The following TRIM44 variants were observed in gnomAD, a reference collection of about 807,000 sequenced individuals.
TRIM44 encodes the protein tripartite motif containing 44.
In TRIM44, 13 loss-of-function variants were observed where a neutral mutation model predicts 37.4. The ratio of observed to expected loss-of-function variants is 0.35; its 90% CI spans 0.23 to 0.55. The LOEUF (loss-of-function observed/expected upper bound fraction) is 0.55. Among genes scored for constraint, TRIM44 ranks in the 20% least tolerant of loss-of-function variants. The pLI is 0.89. For synonymous variants in TRIM44, 175 were observed against 157.2 expected (o/e 1.11, Z -0.85); for missense variants, 426 against 437.2 (o/e 0.97, Z 0.23).
chr11:35,712,759 C>A (rs770115576), intron 2 of TRIM44, among the ~76,000 whole-genome samples: 1 of 152,104 alleles, frequency 6.6e-6, no homozygotes, highest in Non-Finnish European at 1.5e-5. Flanking sequence ...TGTCAGGACT[C>A]CCCCATAGCA....
rs574240350 is a variant in TRIM44, at chr11:35,811,526, A to T, written c.*5141A>T. 6.6e-6 allele frequency: 1 copy of T among 152,328 alleles called. No individual in the cohort carries two copies. Among genetic ancestry groups the T allele is most frequent in the African/African-American group, 2.4e-5 (1 of 41,574 alleles). 9.4% of individuals were successfully genotyped at this position (152,328 alleles called of 1,614,324 possible). A position where few individuals can be genotyped will look rare whatever the true frequency, so the allele number is the denominator to read the frequency against. ...AGAAATACATATTTGCATGTAATTGATGAAAACATAGAATGAGTTGTAAAT... is the reference window on the plus strand; with the variant it reads ...AGAAATACATATTTGCATGTAATTGTTGAAAACATAGAATGAGTTGTAAAT... On this transcript the variant is annotated 3_prime_UTR_variant, in exon 5 of 5. Coordinates refer to ENST00000299413, the MANE Select transcript of TRIM44 (RefSeq NM_017583.6).
At chr11:35,703,506 A>T (rs531519420) in intron 2 of TRIM44, among the ~76,000 whole-genome samples, 1 of 152,024 alleles carries the variant, frequency 6.6e-6, no homozygotes, top group East Asian at 1.9e-4. Flanking sequence ...ACTGGGAGGC[A>T]CCCCCCAGTA....
intron 2 of TRIM44, among the ~76,000 whole-genome samples, chr11:35,713,032 C>T (rs183852150): frequency 3.3e-5 from 5 of 152,276 alleles, no homozygotes; most frequent in East Asian, 3.9e-4. Flanking sequence ...ATGCAACTCT[C>T]GGTCTACCTC....
chr11:35,674,900 G>A (rs776096242), intron 1 of TRIM44, among the ~76,000 whole-genome samples: 1 of 152,210 alleles, frequency 6.6e-6, no homozygotes, highest in Non-Finnish European at 1.5e-5. Flanking sequence ...AGGGCATGGA[G>A]CCAGGAATAG....
chr11:35,769,315 T>TA (rs113554030), intron 4 of TRIM44, among the ~76,000 whole-genome samples: 4 of 152,358 alleles, frequency 2.6e-5, no homozygotes, highest in African/African-American at 9.6e-5. Flanking sequence ...CTTATGTTGT[T>TA]ATTTTATGTC....
At chr11:35,751,509 A>G (rs1416674148) in intron 4 of TRIM44, among the ~76,000 whole-genome samples, 1 of 152,238 alleles carries the variant, frequency 6.6e-6, no homozygotes, top group Non-Finnish European at 1.5e-5. Context: ...TCAGGCTTTC[A>G]TTAGAACCTG....
At chr11:35,679,252 C>T (rs1020188206) in intron 1 of TRIM44, among the ~76,000 whole-genome samples, 7 of 152,122 alleles carry the variant, frequency 4.6e-5, no homozygotes, top group African/African-American at 1.7e-4. Context: ...GTGCAGAGAC[C>T]ACTTGTCAAG....
chr11:35,707,493 T>C (rs1044788959), intron 2 of TRIM44, among the ~76,000 whole-genome samples: 23 of 146,306 alleles, frequency 1.6e-4, no homozygotes, highest in East Asian at 8.0e-4. Flanking sequence ...GGAGGTGTCA[T>C]GCTACCTGAC....
intron 4 of TRIM44, among the ~76,000 whole-genome samples, chr11:35,792,072 T>TACACAACACACACACAC (rs147613844): frequency 7.3e-6 from 1 of 136,750 alleles, no homozygotes; most frequent in South Asian, 2.3e-4. Context: ...GAGTTGCCCC[T>TACACAACACACACACAC]ACACACACAC....
rs1216887019 is a variant in TRIM44, at chr11:35,774,877, A to G, written c.1008-31481A>G. Among the ~76,000 whole-genome samples, 2 of 152,170 alleles carry G rather than the reference A, an allele frequency of 1.3e-5. 1 individual carries two copies. Among genetic ancestry groups the G allele is most frequent in the Admixed American group, 1.3e-4 (2 of 15,280 alleles). On this transcript the variant is annotated intron_variant, in intron 4 of 4. Coordinates refer to ENST00000299413, the MANE Select transcript of TRIM44 (RefSeq NM_017583.6). ...GCTGTTTTGCTTACTGGAGCTTTGTAGTATAGTTTGAAGTCAGGTAGCGTG... is the reference window on the plus strand; with the variant it reads ...GCTGTTTTGCTTACTGGAGCTTTGTGGTATAGTTTGAAGTCAGGTAGCGTG...
intron 4 of TRIM44, among the ~76,000 whole-genome samples, chr11:35,801,942 A>T (rs1853376968): frequency 6.6e-6 from 1 of 152,080 alleles, no homozygotes; most frequent in African/African-American, 2.4e-5. Context: ...TCCTGAAATC[A>T]TAGTATCAAG....
At chr11:35,699,367 A>G (rs533133923) in intron 2 of TRIM44, among the ~76,000 whole-genome samples, 1 of 152,328 alleles carries the variant, frequency 6.6e-6, no homozygotes, top group African/African-American at 2.4e-5. Flanking sequence ...GATTATCTCA[A>G]TAGTTACAGA....
At chr11:35,696,589 C>T (rs1193381298) in intron 2 of TRIM44, among the ~76,000 whole-genome samples, 2 of 151,694 alleles carry the variant, frequency 1.3e-5, no homozygotes, top group Non-Finnish European at 2.9e-5. Context: ...TGGCTCATGC[C>T]TCTAATCCCA....
chr11:35,700,352 AC>A (rs1307972012), intron 2 of TRIM44, among the ~76,000 whole-genome samples: 1 of 152,162 alleles, frequency 6.6e-6, no homozygotes, highest in African/African-American at 2.4e-5. Context: ...ACTTGTTCAA[AC>A]CTTTAGCTTA....
intron 2 of TRIM44, among the ~76,000 whole-genome samples, chr11:35,710,680 C>T (rs1463816390): frequency 6.6e-6 from 1 of 152,202 alleles, no homozygotes; most frequent in African/African-American, 2.4e-5. Context: ...GATTGGAAGT[C>T]ATCCTTCTCT....
intron 4 of TRIM44, among the ~76,000 whole-genome samples, chr11:35,769,330 A>G (rs1281730681): frequency 6.6e-6 from 1 of 152,082 alleles, no homozygotes; most frequent in Non-Finnish European, 1.5e-5. Flanking sequence ...TATGTCTTTC[A>G]TGTAAATAGG....
chr11:35,792,646 C>T (rs566152711), intron 4 of TRIM44, among the ~76,000 whole-genome samples: 1 of 152,302 alleles, frequency 6.6e-6, no homozygotes, highest in Non-Finnish European at 1.5e-5. Context: ...TGCCAGCTGC[C>T]AAATGTCTTC....
intron 2 of TRIM44, among the ~76,000 whole-genome samples, chr11:35,693,644 C>T (rs1851663134): frequency 6.6e-6 from 1 of 152,126 alleles, no homozygotes; most frequent in Admixed American, 6.6e-5. Flanking sequence ...AATGGCCTCC[C>T]ATAGTTTTGT....
intron 4 of TRIM44, among the ~76,000 whole-genome samples, chr11:35,760,781 T>A (rs1173847058): frequency 6.6e-6 from 1 of 152,242 alleles, no homozygotes; most frequent in African/African-American, 2.4e-5. Context: ...TCTCACATTA[T>A]CATTTTTTAT....
Sources: allele counts gnomAD v4.1 joint callset (sites outside exome capture counted in the v4.1 genomes callset), GRCh38; gene constraint gnomAD v4.1.1; transcripts MANE v1.5; gene names NCBI Gene and HGNC (gene_info 2026-07-23, HGNC 2026-07-21).